The following EMCN variants were observed in gnomAD, a reference collection of about 807,000 sequenced individuals.
EMCN encodes endomucin.
EMCN carries 37 observed loss-of-function variants against 38.4 expected under a neutral mutation model. The observed-to-expected ratio is 0.96, with a 90% CI of 0.74 to 1.27. EMCN has a LOEUF of 1.27. EMCN is among the 50% of genes most tolerant of loss of function. The pLI is 0.00. For missense variants in EMCN, 318 were observed against 302.8 expected, an observed-to-expected ratio of 1.05 and a Z score of -0.37; for synonymous variants, 95 against 100.8, an observed-to-expected ratio of 0.94 and a Z score of 0.35.
At chr4:100,419,718 C>T (rs1257761734) in intron 8 of EMCN, among the ~76,000 whole-genome samples, 3 of 152,066 alleles carry the variant, frequency 2.0e-5, no homozygotes, top group Non-Finnish European at 4.4e-5. Flanking sequence ...TATAAAAATG[C>T]TGTTTCTCCT....
chr4:100,453,402 C>T (rs569544293), intron 4 of EMCN, among the ~76,000 whole-genome samples: 5 of 152,208 alleles, frequency 3.3e-5, no homozygotes, highest in South Asian at 4.1e-4. Flanking sequence ...ATTTATGCAG[C>T]CAAAAGACAC....
At chr4:100,432,498 C>T (rs1727231703) in intron 5 of EMCN, among the ~76,000 whole-genome samples, 1 of 152,018 alleles carries the variant, frequency 6.6e-6, no homozygotes, top group South Asian at 2.1e-4. Flanking sequence ...AGCTAGTGTA[C>T]ACATAATAGG....
intron 2 of EMCN, among the ~76,000 whole-genome samples, chr4:100,477,094 C>T (rs1283846475): frequency 6.6e-6 from 1 of 152,202 alleles, no homozygotes; most frequent in Non-Finnish European, 1.5e-5. Flanking sequence ...GGCTCCTTTA[C>T]TGACTTCAGC....
At chr4:100,402,682 G>T (rs1255952119) in intron 11 of EMCN, among the ~76,000 whole-genome samples, 2 of 152,116 alleles carry the variant, frequency 1.3e-5, no homozygotes, top group African/African-American at 4.8e-5. Flanking sequence ...AAATCAAAAG[G>T]CTTGGAATCT....
intron 5 of EMCN, among the ~76,000 whole-genome samples, chr4:100,429,744 T>C (rs1727147161): frequency 6.6e-6 from 1 of 152,108 alleles, no homozygotes; most frequent in Non-Finnish European, 1.5e-5. Context: ...AAATTATATA[T>C]GATAAGAGTG....
At chr4:100,466,187 A>G (rs1728311072) in intron 3 of EMCN, among the ~76,000 whole-genome samples, 2 of 152,130 alleles carry the variant, frequency 1.3e-5, no homozygotes, top group Admixed American at 6.6e-5. Context: ...TTGCCCATAT[A>G]TTCTGAAAAA....
chr4:100,492,829 T>C (rs1391708870), intron 1 of EMCN, among the ~76,000 whole-genome samples: 1 of 152,098 alleles, frequency 6.6e-6, no homozygotes, highest in African/African-American at 2.4e-5. Flanking sequence ...TGGTGTAGTG[T>C]AGGGAGTAGA....
At chr4:100,453,782 A>C (rs1250743449) in intron 4 of EMCN, among the ~76,000 whole-genome samples, 1 of 152,128 alleles carries the variant, frequency 6.6e-6, no homozygotes, top group African/African-American at 2.4e-5. Context: ...TAAATGTCCA[A>C]CAATGATAGA....
chr4:100,402,214 C>G (rs116423500), intron 11 of EMCN, among the ~76,000 whole-genome samples: 3,943 of 152,190 alleles, frequency 0.026, 70 homozygotes, highest in Non-Finnish European at 0.041. Flanking sequence ...AAATTCCTGT[C>G]TGCCCTGCCG....
intron 5 of EMCN, among the ~76,000 whole-genome samples, chr4:100,432,710 C>T (rs886173288): frequency 6.6e-6 from 1 of 152,124 alleles, no homozygotes; most frequent in Non-Finnish European, 1.5e-5. Flanking sequence ...AGCTTTCTAT[C>T]ACATACTACT....
intron 4 of EMCN, among the ~76,000 whole-genome samples, chr4:100,462,745 T>G (rs1260989139): frequency 6.6e-6 from 1 of 152,162 alleles, no homozygotes; most frequent in Non-Finnish European, 1.5e-5. Context: ...GAGATGATTC[T>G]GCTCTTCAAA....
Position 100,423,054 on chromosome 4 carries a change from C to G in EMCN, c.535G>C (p.Ala179Pro). 6.2e-7 allele frequency: 1 copy of G among 1,613,052 alleles called. No homozygotes were observed. Among genetic ancestry groups the G allele is most frequent in the South Asian group, 1.1e-5 (1 of 91,058 alleles). The change falls in exon 7 of 12, where the codon GCA becomes CCA. Residue 179 changes from alanine (A) to proline (P), a missense_variant. Coordinates refer to ENST00000296420, the MANE Select transcript of EMCN (RefSeq NM_016242.4). ...QVIGTEGGKN[A>P]STSATSRSYS... is the part of the protein sequence containing the mutation. ...GACCGGCTGGTTGCTGAAGTGCTTG[C>G]ATTTTTTCCACCCTCAGTGCCTATT... is the stretch of plus-strand genomic sequence containing the variant.
intron 4 of EMCN, among the ~76,000 whole-genome samples, chr4:100,457,295 CT>C (rs1728045855): frequency 6.6e-6 from 1 of 151,664 alleles, no homozygotes; most frequent in South Asian, 2.1e-4. Flanking sequence ...TATATGACTG[CT>C]TTTAATTTCT....
At chr4:100,448,838 C>CCTTCCTTCCTTCCTTCCAT (rs1727758754) in intron 4 of EMCN, among the ~76,000 whole-genome samples, 1 of 143,520 alleles carries the variant, frequency 7.0e-6, no homozygotes, top group African/African-American at 2.7e-5. Flanking sequence ...CTCCCTCCCT[C>CCTTCCTTCCTTCCTTCCAT]CCTCCCTTCC....
At chr4:100,453,982 A>G (rs969162179) in intron 4 of EMCN, among the ~76,000 whole-genome samples, 4 of 145,122 alleles carry the variant, frequency 2.8e-5, no homozygotes, top group African/African-American at 2.5e-5. Context: ...GTGAGAACAC[A>G]TGGACACAGG....
At chr4:100,485,620 A>T (rs944513353) in intron 1 of EMCN, among the ~76,000 whole-genome samples, 4 of 151,714 alleles carry the variant, frequency 2.6e-5, no homozygotes, top group South Asian at 4.1e-4. Flanking sequence ...ATATAATAAA[A>T]TATACAAAAA....
chr4:100,455,195 T>C (rs752781502), intron 4 of EMCN, among the ~76,000 whole-genome samples: 26 of 152,126 alleles, frequency 1.7e-4, no homozygotes, highest in Admixed American at 7.2e-4. Flanking sequence ...TACAACAGTA[T>C]AGTTATAACC....
intron 3 of EMCN, among the ~76,000 whole-genome samples, chr4:100,469,132 G>A (rs1346094330): frequency 2.0e-5 from 3 of 152,054 alleles, no homozygotes; most frequent in Non-Finnish European, 1.5e-5. Context: ...TTACTATAAA[G>A]AAAGGATAGT....
intron 1 of EMCN, among the ~76,000 whole-genome samples, chr4:100,507,747 C>T (rs1432329587): frequency 6.6e-6 from 1 of 152,148 alleles, no homozygotes; most frequent in African/African-American, 2.4e-5. Flanking sequence ...CATTTTTATT[C>T]TCAATCTTTT....
Sources: gnomAD v4.1 joint callset for allele counts (sites outside exome capture counted in the v4.1 genomes callset) on GRCh38, gnomAD v4.1.1 for gene constraint, MANE v1.5 for transcripts, NCBI Gene and HGNC (gene_info 2026-07-23, HGNC 2026-07-21) for gene names.